COL4A3: variants seen among roughly 807,000 people sequenced by gnomAD.
COL4A3 encodes the protein collagen alpha-3(IV) chain.
COL4A3 carries 135 observed loss-of-function variants against 217.4 expected under a neutral mutation model. That is an observed-to-expected ratio of 0.62 (90% CI 0.54 to 0.72). The LOEUF (loss-of-function observed/expected upper bound fraction) is 0.72. COL4A3 is among the 30% of genes least tolerant of loss of function. The probability of loss-of-function intolerance (pLI) is 0.00; values close to 1 mark genes in which losing one functional copy is unlikely to be tolerated. For synonymous variants in COL4A3, 690 were observed against 736.3 expected (o/e 0.94, Z 1.02); for missense variants, 1,868 against 2,119.9 (o/e 0.88, Z 2.33).
chr2:227,185,846 T>C (rs1408572035), intron 1 of COL4A3, among the ~76,000 whole-genome samples: 2 of 152,164 alleles, frequency 1.3e-5, no homozygotes, highest in Non-Finnish European at 2.9e-5. Flanking sequence ...AAACCTGCAG[T>C]TGTAGCATCT....
rs1236635136 is a variant in COL4A3 at position 227,250,043 on chromosome 2, G to A, written c.547-1097G>A. On this transcript the variant is annotated intron_variant, in intron 9 of 51. Transcript: ENST00000396578. This position sits in a 1 kb window ranked among gnomAD's most constrained non-coding sequence, Gnocchi z 4.1. Reference sequence around the variant, plus strand: ...AAATATAGATTTAAGGCTGGGCACAGTGCTCACACCTGTAATCCCAGCACT... The same window carrying A: ...AAATATAGATTTAAGGCTGGGCACAATGCTCACACCTGTAATCCCAGCACT... Among the ~76,000 whole-genome samples the A allele has an allele frequency of 6.6e-6, 1 of 152,064 alleles. No individual in the cohort carries two copies. Among genetic ancestry groups the A allele is most frequent in the African/African-American group, 2.4e-5 (1 of 41,402 alleles).
intron 42 of COL4A3, among the ~76,000 whole-genome samples, chr2:227,298,327 G>A (rs532577351): frequency 1.3e-5 from 2 of 152,032 alleles, no homozygotes; most frequent in East Asian, 1.9e-4. Flanking sequence ...ACTGCAGCCT[G>A]GGCAACAGAA....
chr2:227,268,705 G>T (rs563462241), intron 23 of COL4A3: 13 of 152,220 alleles, frequency 8.5e-5, no homozygotes, highest in Non-Finnish European at 1.5e-4. Flanking sequence ...GAAGGGGCAG[G>T]GGGGAGGTAG....
intron 39 of COL4A3, 40 bp from the exon 40 acceptor site, chr2:227,294,924 C>T (rs1222195792): frequency 1.4e-6 from 2 of 1,453,072 alleles, no homozygotes; most frequent in African/African-American, 1.5e-5. Context: ...TTTTTGTATA[C>T]CATAGTTTGG....
chr2:227,222,393 G>A (rs563594920), intron 1 of COL4A3: 2 of 152,090 alleles, frequency 1.3e-5, no homozygotes, highest in East Asian at 3.9e-4. Context: ...TGCAGGCTTT[G>A]TCCAGAGAGT....
Position 227,282,244 on chromosome 2 carries a change from C to G in COL4A3, c.2489-121C>G, listed in dbSNP as rs1410367474. 1 of 412,982 alleles carries G rather than the reference C, an allele frequency of 2.4e-6. No homozygotes were observed. The highest frequency in any genetic ancestry group is 2.4e-5 in the African/African-American group (1 of 42,512). The allele number at this position is 412,982 out of a possible 1,614,324, so 25.6% of individuals were successfully genotyped here. A position where few individuals can be genotyped will look rare whatever the true frequency, so the allele number is the denominator to read the frequency against. On this transcript the variant is annotated intron_variant, in intron 31 of 51. Transcript: ENST00000396578. The surrounding 1 kb of genome is among the most constrained non-coding windows in gnomAD (Gnocchi z 4.4). Reference sequence around the variant, plus strand: ...CCGAAATCGCCCCACTGCAATCCAGCCTAGAAGACAGAGGGAGATTCCATC... The same window carrying G: ...CCGAAATCGCCCCACTGCAATCCAGGCTAGAAGACAGAGGGAGATTCCATC...
chr2:227,296,492 C>T (rs2073034593), intron 41 of COL4A3: 1 of 981,644 alleles, frequency 1.0e-6, no homozygotes, highest in East Asian at 1.1e-4. Context: ...TCTAGGATAA[C>T]TAAATATGGA....
chr2:227,298,533 T>C (rs2073134809), intron 42 of COL4A3, 149 bp from the exon 43 acceptor site: 1 of 1,183,128 alleles, frequency 8.5e-7, no homozygotes, highest in African/African-American at 1.5e-5. Flanking sequence ...TCTCCTGTCT[T>C]TACCACAATC....
In COL4A3 at chr2:227,254,694, T is replaced by C. The variant is rs1343082040; in HGVS notation, c.867T>C (p.Ala289=). The C allele has an allele frequency of 6.2e-7, 1 of 1,613,302 alleles. No individual in the cohort carries two copies. The highest frequency in any genetic ancestry group is 1.3e-5 in the African/African-American group (1 of 74,876). The change falls in exon 15 of 52, where the codon GCT becomes GCC. Residue 289 remains alanine, a synonymous_variant. Transcript: ENST00000396578. ...PGESYGSEKG[A]PGDPGLQGKP... Reference sequence around the variant, plus strand: ...AATCATATGGATCTGAAAAGGGTGCTCCTGGAGACCCTGGCCTGCAGGTAA... The same window carrying C: ...AATCATATGGATCTGAAAAGGGTGCCCCTGGAGACCCTGGCCTGCAGGTAA...
chr2:227,201,684 C>A (rs374330282), intron 1 of COL4A3, among the ~76,000 whole-genome samples: 1 of 152,146 alleles, frequency 6.6e-6, no homozygotes, highest in Non-Finnish European at 1.5e-5. Context: ...ACTACCAAAT[C>A]CTTTTCAACT....
chr2:227,296,401 A>G, intron 41 of COL4A3: 1 of 513,046 alleles, frequency 1.9e-6, no homozygotes, highest in Non-Finnish European at 2.5e-6. Context: ...TTGGTATAAA[A>G]CGGTCATACC....
At chr2:227,166,208 T>C (rs189506388) in intron 1 of COL4A3, among the ~76,000 whole-genome samples, 67 of 152,388 alleles carry the variant, frequency 4.4e-4, no homozygotes, top group African/African-American at 1.6e-3. Flanking sequence ...ATTTGTAATC[T>C]ATGTAATCTG....
chr2:227,207,026 A>G (rs1186102281), intron 1 of COL4A3, among the ~76,000 whole-genome samples: 1 of 152,134 alleles, frequency 6.6e-6, no homozygotes, highest in East Asian at 1.9e-4. Flanking sequence ...ACACCCTGGA[A>G]TGGAAGAGGA....
At chr2:227,277,405 G>A in intron 27 of COL4A3, 44 bp from the exon 28 acceptor site, 1 of 1,168,850 alleles carries the variant, frequency 8.6e-7, no homozygotes, top group South Asian at 1.3e-5. Context: ...TAAGATGAAG[G>A]AAAGTTGCTG....
Position 227,297,799 on chromosome 2 carries a change from G to A in COL4A3, c.3691G>A (p.Gly1231Ser), listed in dbSNP as rs761518401. 18 of 1,573,722 alleles carry A rather than the reference G, an allele frequency of 1.1e-5. No individual in the cohort carries two copies. Among genetic ancestry groups the A allele is most frequent in the East Asian group, 4.6e-5 (2 of 43,288 alleles). The change falls in exon 42 of 52, where the codon GGT becomes AGT. Residue 1231 changes from glycine (G) to serine (S), a missense_variant. Around this residue, in one of 2 missense-constraint regions of COL4A3, gnomAD observed 1,503 missense variants for 1,786.1 expected, o/e 0.84. Coordinates refer to ENST00000396578, the MANE Select transcript of COL4A3 (RefSeq NM_000091.5). The stretch of plus-strand genomic sequence containing the variant: ...ATTCCCAGGGCCACCAGGTCTGCCC[G>A]GTGCAATTATCCCTGGCCAGACAGG... ...EGFPGPPGLP[G>S]AIIPGQTGNR...
intron 35 of COL4A3, among the ~76,000 whole-genome samples, chr2:227,289,605 AC>A (rs2072554684): frequency 6.6e-6 from 1 of 152,226 alleles, no homozygotes; most frequent in African/African-American, 2.4e-5. Context: ...AACTGAGTTT[AC>A]AAAATAATTT....
chr2:227,309,880 G>C (rs1434892934), intron 50 of COL4A3, among the ~76,000 whole-genome samples: 1 of 152,120 alleles, frequency 6.6e-6, no homozygotes, highest in Non-Finnish European at 1.5e-5. Flanking sequence ...GCCCAACTCA[G>C]CCTCCCAAAG....
intron 1 of COL4A3, among the ~76,000 whole-genome samples, chr2:227,229,694 A>T (rs2068285524): frequency 6.6e-6 from 1 of 152,180 alleles, no homozygotes; most frequent in African/African-American, 2.4e-5. Context: ...AACTCCTTAC[A>T]AAAACACTGC....
At position 227,253,469 on chromosome 2, in the gene COL4A3, C is replaced by T. The variant is rs2069920706; in HGVS notation, c.688-92C>T. On this transcript the variant is annotated intron_variant, in intron 12 of 51. Transcript: ENST00000396578. The surrounding 1 kb of genome is among the most constrained non-coding windows in gnomAD (Gnocchi z 4.4). ...TTTGTTCTATCTTCCCGTATAAGCA[C>T]TAAAGGGGAAAAGTAGACCTTTCAA... The T allele has an allele frequency of 1.4e-6, 2 of 1,419,416 alleles. No homozygotes were observed. Among genetic ancestry groups the T allele is most frequent in the Non-Finnish European group, 2.0e-6 (2 of 1,002,546 alleles). 87.9% of individuals were successfully genotyped at this position (1,419,416 alleles called of 1,614,324 possible).
Sources: gnomAD v4.1 joint callset for allele counts (sites outside exome capture counted in the v4.1 genomes callset) on GRCh38, gnomAD v4.1.1 for gene constraint, gnomAD v4.1.1 regional missense constraint, Gnocchi (gnomAD v3.1) non-coding constraint, MANE v1.5 for transcripts, NCBI Gene and HGNC (gene_info 2026-07-23, HGNC 2026-07-21) for gene names.